DLGAP1: variants seen among roughly 807,000 people sequenced by gnomAD.
DLGAP1 encodes DLG associated protein 1.
DLGAP1 carries 11 observed loss-of-function variants against 90.8 expected under a neutral mutation model. The observed-to-expected ratio is 0.12, with a 90% CI of 0.08 to 0.20. The LOEUF is 0.20. DLGAP1 is among the 10% of genes least tolerant of loss of function. DLGAP1 has a pLI of 1.00. For missense variants in DLGAP1, 1,050 were observed against 1,333.8 expected, an observed-to-expected ratio of 0.79 and a Z score of 3.31; for synonymous variants, 558 against 540.7, an observed-to-expected ratio of 1.03 and a Z score of -0.44.
chr18:4,149,785 C>T (rs977874717), intron 2 of DLGAP1, among the ~76,000 whole-genome samples: 6 of 152,224 alleles, frequency 3.9e-5, no homozygotes, highest in Non-Finnish European at 7.3e-5. Flanking sequence ...TATCCCGAAA[C>T]CATCTCCCCA....
rs1011726077 is a variant in DLGAP1 at position 4,401,005 on chromosome 18, A to G, written c.-267+54001T>C. Among the ~76,000 whole-genome samples, 6 of 152,202 alleles carry G rather than the reference A, an allele frequency of 3.9e-5. No homozygotes were observed. In the East Asian group the frequency reaches 5.8e-4, roughly 15 times the overall value. ...AAGTCAACTCTTCTCTTCCTTGGGT[A>G]GTTTAAAATATGTCAAAATACTCCA... On this transcript the variant is annotated intron_variant, in intron 1 of 12. Coordinates refer to ENST00000315677, the MANE Select transcript of DLGAP1 (RefSeq NM_004746.4).
intron 1 of DLGAP1, among the ~76,000 whole-genome samples, chr18:4,305,700 A>G (rs2080235072): frequency 6.6e-6 from 1 of 152,192 alleles, no homozygotes; most frequent in South Asian, 2.1e-4. Context: ...ATGCTCAGAA[A>G]GTCTATTCAA....
rs9953261 is a variant in DLGAP1 at position 3,940,784 on chromosome 18, A to G, written c.-72-60644T>C. On this transcript the variant is annotated intron_variant, in intron 3 of 12. Transcript: ENST00000315677. ...TCTATATCATGTAGACCTCTGAAAAATCATTGCCTTACTTTGAAACCTTTT... is the reference window on the plus strand; with the variant it reads ...TCTATATCATGTAGACCTCTGAAAAGTCATTGCCTTACTTTGAAACCTTTT... Among the ~76,000 whole-genome samples, 153 of 152,352 alleles carry G rather than the reference A, an allele frequency of 1.0e-3. 1 individual carries two copies. The highest frequency in any genetic ancestry group is 3.5e-3 in the African/African-American group (147 of 41,586).
intron 2 of DLGAP1, among the ~76,000 whole-genome samples, chr18:4,135,957 G>A (rs2076393514): frequency 6.6e-6 from 1 of 151,770 alleles, no homozygotes; most frequent in South Asian, 2.1e-4. Context: ...CCATGTTGGT[G>A]TGCTGCACCC....
rs551605762 is a variant in DLGAP1 at position 3,860,301 on chromosome 18, CTG to C, written c.957+18809_957+18810del. On this transcript the variant is annotated intron_variant, in intron 4 of 12. Transcript: ENST00000315677. ...CTTGCTTCAGTTCACACTGCTAACACTGTGTTTTTTCAGGCATAATAATAATA... is the reference window on the plus strand; with the variant it reads ...CTTGCTTCAGTTCACACTGCTAACACTGTTTTTTCAGGCATAATAATAATA... Among the ~76,000 whole-genome samples, 30 of 148,706 alleles carry C rather than the reference CTG, an allele frequency of 2.0e-4. 1 individual carries two copies. In the East Asian group the frequency reaches 5.9e-3, roughly 29 times the overall value.
intron 1 of DLGAP1, among the ~76,000 whole-genome samples, chr18:4,398,045 C>T (rs1368944529): frequency 6.6e-6 from 1 of 152,152 alleles, no homozygotes; most frequent in Non-Finnish European, 1.5e-5. Flanking sequence ...GGTATGTACT[C>T]AGATGTGTAT....
chr18:4,000,464 C>T (rs1480745631), intron 3 of DLGAP1, among the ~76,000 whole-genome samples: 1 of 152,184 alleles, frequency 6.6e-6, no homozygotes, highest in Admixed American at 6.5e-5. Context: ...TTTGTACTCT[C>T]TCCCTCGTAA....
intron 7 of DLGAP1, among the ~76,000 whole-genome samples, chr18:3,676,366 C>T (rs999859175): frequency 6.6e-6 from 1 of 152,236 alleles, no homozygotes; most frequent in Non-Finnish European, 1.5e-5. Context: ...CCACCACTGG[C>T]AGGTCCTCTC....
chr18:4,013,713 G>A (rs190546904), intron 2 of DLGAP1: 5 of 152,212 alleles, frequency 3.3e-5, no homozygotes, highest in East Asian at 3.9e-4. Flanking sequence ...TCTAACAATC[G>A]TAAAATTATG....
chr18:4,251,320 C>T (rs1021737680), intron 1 of DLGAP1, among the ~76,000 whole-genome samples: 1 of 152,182 alleles, frequency 6.6e-6, no homozygotes, highest in African/African-American at 2.4e-5. Flanking sequence ...TCTGTCAGAG[C>T]TCATTTAGTC....
intron 2 of DLGAP1, among the ~76,000 whole-genome samples, chr18:4,149,769 C>T (rs2076643230): frequency 1.3e-5 from 2 of 152,188 alleles, no homozygotes; most frequent in African/African-American, 2.4e-5. Flanking sequence ...TGAGGTGGAA[C>T]AGTTTTATCC....
At chr18:4,189,242 T>G (rs1291413073) in intron 1 of DLGAP1, among the ~76,000 whole-genome samples, 1 of 152,134 alleles carries the variant, frequency 6.6e-6, no homozygotes, top group Non-Finnish European at 1.5e-5. Context: ...AATTTCCAAT[T>G]GTTGTTGATG....
intron 1 of DLGAP1, among the ~76,000 whole-genome samples, chr18:4,391,983 TTTG>T (rs2082350224): frequency 6.6e-6 from 1 of 152,178 alleles, no homozygotes; most frequent in Admixed American, 6.5e-5. Flanking sequence ...CAGTTACTGA[TTTG>T]TTGTTGTCAC....
intron 4 of DLGAP1, among the ~76,000 whole-genome samples, chr18:3,854,474 G>A (rs758560396): frequency 1.7e-4 from 26 of 152,120 alleles, no homozygotes; most frequent in African/African-American, 4.6e-4. Flanking sequence ...TTTTAGATGA[G>A]CGATTTAGAA....
chr18:3,928,953 T>C (rs534609183), intron 3 of DLGAP1, among the ~76,000 whole-genome samples: 3 of 152,148 alleles, frequency 2.0e-5, no homozygotes, highest in Non-Finnish European at 2.9e-5. Context: ...ACCAGTGCTG[T>C]CTCGTGATTG....
In DLGAP1 at chr18:3,880,127, T is replaced by C. The variant is rs891296807; in HGVS notation, c.-59A>G. 25 of 1,515,614 alleles carry C rather than the reference T, an allele frequency of 1.6e-5. No individual in the cohort carries two copies. Among genetic ancestry groups the C allele is most frequent in the Middle Eastern group, 2.3e-4 (1 of 4,276 alleles). The allele number at this position is 1,515,614 out of a possible 1,614,324, so 93.9% of individuals were successfully genotyped here. ...ACCCGGAAGTCAGGCTCCAGACCCGTCTTGGGCAGGGATCTGGGGGAATGA... is the reference window on the plus strand; with the variant it reads ...ACCCGGAAGTCAGGCTCCAGACCCGCCTTGGGCAGGGATCTGGGGGAATGA... On this transcript the variant is annotated 5_prime_UTR_variant, in exon 4 of 13. Coordinates refer to ENST00000315677, the MANE Select transcript of DLGAP1 (RefSeq NM_004746.4).
intron 1 of DLGAP1, among the ~76,000 whole-genome samples, chr18:4,409,277 T>A (rs1333067650): frequency 2.6e-5 from 4 of 152,152 alleles, no homozygotes; most frequent in African/African-American, 7.2e-5. Context: ...TTAATTTTTT[T>A]ATTTATTTCC....
At chr18:4,086,134 T>C (rs57701914) in intron 2 of DLGAP1, among the ~76,000 whole-genome samples, 6,399 of 152,156 alleles carry the variant, frequency 0.042, 449 homozygotes, top group African/African-American at 0.15. Context: ...AGTTTTGACA[T>C]GGGAACAGAG....
chr18:3,691,588 T>G (rs2060899144), intron 7 of DLGAP1, among the ~76,000 whole-genome samples: 1 of 151,854 alleles, frequency 6.6e-6, no homozygotes, highest in Non-Finnish European at 1.5e-5. Context: ...ACAAAAGAAG[T>G]CCTTTATAAT....
Sources: allele counts gnomAD v4.1 joint callset (sites outside exome capture counted in the v4.1 genomes callset), GRCh38; gene constraint gnomAD v4.1.1; transcripts MANE v1.5; gene names NCBI Gene and HGNC (gene_info 2026-07-23, HGNC 2026-07-21).